PITPNM2: variants seen among roughly 807,000 people sequenced by gnomAD.
PITPNM2 encodes the protein phosphatidylinositol transfer protein membrane associated 2.
PITPNM2 carries 35 observed loss-of-function variants against 132.2 expected under a neutral mutation model. The ratio of observed to expected loss-of-function variants is 0.26; its 90% confidence interval spans 0.20 to 0.35. The LOEUF is 0.35. PITPNM2 is among the 10% of genes least tolerant of loss of function. The pLI is 1.00. For synonymous variants in PITPNM2, 738 were observed against 799.2 expected (o/e 0.92, Z 1.29); for missense variants, 1,332 against 1,912.0 (o/e 0.70, Z 5.66).
intron 1 of PITPNM2, among the ~76,000 whole-genome samples, 179 bp from the exon 2 acceptor site, chr12:123,110,667 G>A (rs1405358613): frequency 6.6e-6 from 1 of 152,190 alleles, no homozygotes; most frequent in African/African-American, 2.4e-5. Flanking sequence ...GGAAGCAAGT[G>A]TCTAACTCAG....
rs905946413 is a variant in PITPNM2, at chr12:123,031,639, C to T, written c.78+2874G>A. Among the ~76,000 whole-genome samples, 1 of 152,108 alleles carries T rather than the reference C, an allele frequency of 6.6e-6. No homozygotes were observed. The highest frequency in any genetic ancestry group is 2.4e-5 in the African/African-American group (1 of 41,418). ...CCTGCCCATCACCAAGCTGTCTATC[C>T]GACACCCCCAGCCTCAAGGCCTGCC... On this transcript the variant is annotated intron_variant, in intron 3 of 25. Coordinates refer to ENST00000320201, the MANE Select transcript of PITPNM2 (RefSeq NM_020845.3). The surrounding 1 kb of genome is among the most constrained non-coding windows in gnomAD (Gnocchi z 4.5).
At chr12:122,991,855 GC>G in intron 16 of PITPNM2, 1 of 1,307,712 alleles carries the variant, frequency 7.6e-7, no homozygotes, top group Non-Finnish European at 9.7e-7. Flanking sequence ...GGGCCAGGGG[GC>G]CGCCCTCCAG....
chr12:123,135,414 AAT>A (rs1225987270), intron 1 of PITPNM2, among the ~76,000 whole-genome samples: 2 of 152,150 alleles, frequency 1.3e-5, no homozygotes, highest in African/African-American at 4.8e-5. Context: ...TTAAGTGTAA[AAT>A]ATGTTATTGT....
In PITPNM2 at chr12:122,994,856, C is replaced by T. The variant is rs771644511; in HGVS notation, c.2178G>A (p.Gly726=). The T allele has an allele frequency of 1.9e-6, 3 of 1,612,040 alleles. No individual in the cohort carries two copies. The highest frequency in any genetic ancestry group is 3.3e-5 in the Admixed American group (2 of 59,990). ...DFEITDLFLF[G]CPLGLVLALR... ...AGGCCAGGACCAGCCCCAGCGGGCA[C>T]CCGAAGAGGAAGAGGTCGGTGATCT... is the stretch of plus-strand genomic sequence containing the variant. Residue 726 remains glycine (G), a synonymous_variant, in exon 15 of 26, where the codon GGG becomes GGA. Transcript: ENST00000320201. The surrounding 1 kb of genome is among the most constrained non-coding windows in gnomAD (Gnocchi z 5.4).
chr12:123,073,325 T>C (rs1410925262), intron 2 of PITPNM2, among the ~76,000 whole-genome samples: 1 of 152,208 alleles, frequency 6.6e-6, no homozygotes, highest in African/African-American at 2.4e-5. Flanking sequence ...CCATCTGCCT[T>C]GCATCTGTGT....
intron 2 of PITPNM2, chr12:123,090,353 G>A (rs2042224437): frequency 6.6e-6 from 1 of 152,194 alleles, no homozygotes; most frequent in Non-Finnish European, 1.5e-5. Flanking sequence ...CCAAGAGAAA[G>A]GACAGCAGAA....
intron 1 of PITPNM2, among the ~76,000 whole-genome samples, chr12:123,119,741 A>G (rs2042998847): frequency 1.3e-5 from 2 of 151,526 alleles, no homozygotes; most frequent in Admixed American, 6.6e-5. Context: ...CAGGCTGAAT[A>G]CAGAGGCTTT....
chr12:123,101,200 T>C (rs1438186421), intron 2 of PITPNM2, among the ~76,000 whole-genome samples: 1 of 152,246 alleles, frequency 6.6e-6, no homozygotes, highest in Non-Finnish European at 1.5e-5. Context: ...TTTGGGGAGA[T>C]GCTTTAATGC....
intron 1 of PITPNM2, among the ~76,000 whole-genome samples, chr12:123,139,066 A>G (rs1260362276): frequency 6.6e-6 from 1 of 152,060 alleles, no homozygotes; most frequent in African/African-American, 2.4e-5. Context: ...TGAGCCCAGG[A>G]GGTTGAGGTT....
intron 14 of PITPNM2, 84 bp from the exon 15 acceptor site, chr12:122,995,063 A>G (rs1172337222): frequency 1.4e-6 from 2 of 1,399,456 alleles, no homozygotes; most frequent in East Asian, 2.6e-5. Context: ...GCAGGTCCCA[A>G]CCTCTCTCGG....
rs2037807402 is a variant in PITPNM2 at position 122,983,492 on chromosome 12, C to T, written c.*2535G>A. The T allele has an allele frequency of 6.5e-6, 1 of 152,724 alleles. No individual in the cohort carries two copies. Among genetic ancestry groups the T allele is most frequent in the African/African-American group, 2.4e-5 (1 of 41,462 alleles). 9.5% of individuals were successfully genotyped at this position (152,724 alleles called of 1,614,324 possible). A position where few individuals can be genotyped will look rare whatever the true frequency, so the allele number is the denominator to read the frequency against. Reference sequence around the variant, plus strand: ...AGAGATCCAGAAGGAAGCCTTCCCGCTTCTTTAATTGGTGTAACAGACATG... The same window carrying T: ...AGAGATCCAGAAGGAAGCCTTCCCGTTTCTTTAATTGGTGTAACAGACATG... On this transcript the variant is annotated 3_prime_UTR_variant, in exon 26 of 26. Coordinates refer to ENST00000320201, the MANE Select transcript of PITPNM2 (RefSeq NM_020845.3).
chr12:122,987,703 T>G, intron 21 of PITPNM2, 44 bp from the exon 22 acceptor site: 1 of 1,611,346 alleles, frequency 6.2e-7, no homozygotes, highest in South Asian at 1.1e-5. Context: ...GTCTGGCCTC[T>G]CCACCCCCTG....
intron 2 of PITPNM2, among the ~76,000 whole-genome samples, chr12:123,096,528 G>C (rs556248714): frequency 3.8e-4 from 58 of 152,322 alleles, no homozygotes; most frequent in African/African-American, 1.3e-3. Context: ...AGATGGGGAG[G>C]GGGGCGAGGA....
intron 1 of PITPNM2, among the ~76,000 whole-genome samples, chr12:123,126,968 C>T (rs1385982924): frequency 2.0e-5 from 3 of 152,192 alleles, no homozygotes; most frequent in Non-Finnish European, 2.9e-5. Flanking sequence ...ACTGGGGTCT[C>T]GTCCAAACAC....
intron 1 of PITPNM2, among the ~76,000 whole-genome samples, chr12:123,129,426 T>C (rs1396162143): frequency 2.0e-5 from 3 of 151,524 alleles, no homozygotes; most frequent in Admixed American, 6.6e-5. Context: ...AAAAATTAGC[T>C]GGGCATGGTG....
Position 123,078,116 on chromosome 12 carries a change from G to A in PITPNM2, c.-96+32269C>T, listed in dbSNP as rs146916881. On this transcript the variant is annotated intron_variant, in intron 2 of 25. Coordinates refer to ENST00000320201, the MANE Select transcript of PITPNM2 (RefSeq NM_020845.3). The surrounding 1 kb of genome is among the most constrained non-coding windows in gnomAD (Gnocchi z 7.3). ...GGGGTGGGGAGCGGAGAGGGAGGGC[G>A]GGAAGGAGGGAGAATTGATTTTCTC... Among the ~76,000 whole-genome samples, 5 of 152,316 alleles carry A rather than the reference G, an allele frequency of 3.3e-5. No homozygotes were observed. The highest frequency in any genetic ancestry group is 5.9e-5 in the Non-Finnish European group (4 of 68,018).
In PITPNM2 at chr12:123,082,125, C is replaced by T. The variant is rs1341980781; in HGVS notation, c.-96+28260G>A. 1 of 152,384 alleles carries T rather than the reference C, an allele frequency of 6.6e-6. No individual in the cohort carries two copies. Among genetic ancestry groups the T allele is most frequent in the Non-Finnish European group, 1.5e-5 (1 of 68,160 alleles). 9.4% of individuals were successfully genotyped at this position (152,384 alleles called of 1,614,324 possible). A position where few individuals can be genotyped will look rare whatever the true frequency, so the allele number is the denominator to read the frequency against. On this transcript the variant is annotated intron_variant, in intron 2 of 25. Coordinates refer to ENST00000320201, the MANE Select transcript of PITPNM2 (RefSeq NM_020845.3). This position sits in a 1 kb window ranked among gnomAD's most constrained non-coding sequence, Gnocchi z 5.4. ...ATGCTCAAAGCCCTGAATGGCCTCT[C>T]TCCACCCACTCAGAGTGAGGGCCTG...
intron 8 of PITPNM2, among the ~76,000 whole-genome samples, chr12:123,003,698 C>T (rs999543564): frequency 3.3e-5 from 5 of 152,330 alleles, no homozygotes; most frequent in East Asian, 3.9e-4. Context: ...CCTATGGGCT[C>T]GCCCCCATCC....
intron 1 of PITPNM2, among the ~76,000 whole-genome samples, chr12:123,127,167 CA>C (rs1040226565): frequency 1.3e-5 from 2 of 152,316 alleles, no homozygotes; most frequent in African/African-American, 4.8e-5. Context: ...TAATGGTGCA[CA>C]AATGTGTTCA....
Sources: allele counts gnomAD v4.1 joint callset (sites outside exome capture counted in the v4.1 genomes callset), GRCh38; gene constraint gnomAD v4.1.1; non-coding constraint Gnocchi (gnomAD v3.1); transcripts MANE v1.5; gene names NCBI Gene and HGNC (gene_info 2026-07-23, HGNC 2026-07-21).